TTC23: variants seen among roughly 807,000 people sequenced by gnomAD.
TTC23 encodes tetratricopeptide repeat domain 23.
In TTC23, 58 loss-of-function variants were observed where a neutral mutation model predicts 55.1. That is an observed-to-expected ratio of 1.05 (90% CI 0.85 to 1.31). TTC23 has a LOEUF of 1.31. Among genes scored for constraint, TTC23 ranks in the 50% most tolerant of loss-of-function variants. The pLI, the probability that TTC23 is intolerant of heterozygous loss-of-function variation, is 0.00. For missense variants in TTC23, 516 were observed against 534.4 expected, an observed-to-expected ratio of 0.97 and a Z score of 0.34; for synonymous variants, 203 against 199.9, an observed-to-expected ratio of 1.02 and a Z score of -0.13.
intron 10 of TTC23, among the ~76,000 whole-genome samples, chr15:99,173,337 TCCC>T (rs2073168675): frequency 3.9e-5 from 6 of 152,218 alleles, no homozygotes; most frequent in Admixed American, 2.6e-4. Flanking sequence ...ATGCCTGTTA[TCCC>T]AGAGTTTTGG....
intron 12 of TTC23, among the ~76,000 whole-genome samples, chr15:99,147,811 TGGC>T (rs1381705177): frequency 1.3e-5 from 2 of 152,162 alleles, no homozygotes; most frequent in Non-Finnish European, 2.9e-5. Flanking sequence ...GAAAACAATG[TGGC>T]GTGGCGTGGT....
At chr15:99,202,486 T>C (rs561132882) in intron 8 of TTC23, among the ~76,000 whole-genome samples, 3 of 152,126 alleles carry the variant, frequency 2.0e-5, no homozygotes, top group Non-Finnish European at 4.4e-5. Context: ...AGCTCATAAA[T>C]GAGCAAAAAA....
At chr15:99,197,910 A>G (rs2075880377) in intron 9 of TTC23, among the ~76,000 whole-genome samples, 1 of 152,112 alleles carries the variant, frequency 6.6e-6, no homozygotes, top group South Asian at 2.1e-4. Context: ...TCAAACAAAA[A>G]AAAAAAAGAA....
In TTC23 at chr15:99,221,179, AGAATG is replaced by A. The variant is rs373404033; in HGVS notation, c.304+557_304+561del. 2.2e-3 allele frequency among the ~76,000 whole-genome samples: 335 copies of A among 152,334 alleles called. 2 individuals are homozygous for A. Among genetic ancestry groups the A allele is most frequent in the African/African-American group, 7.7e-3 (319 of 41,586 alleles). On this transcript the variant is annotated intron_variant, in intron 6 of 13. Coordinates refer to ENST00000394132, the MANE Select transcript of TTC23 (RefSeq NM_001288615.3). ...CCACCATGTGGGCAAAACCTGGCAA[AGAATG>A]GAGCAAATACCAAGAAAAACAGAGC...
intron 12 of TTC23, chr15:99,141,170 C>G (rs1173562170): frequency 1.3e-5 from 2 of 151,850 alleles, no homozygotes; most frequent in African/African-American, 4.8e-5. Context: ...AACAATTTAG[C>G]AATATTTAGT....
At chr15:99,179,310 C>T (rs909006433) in intron 9 of TTC23, among the ~76,000 whole-genome samples, 1 of 152,208 alleles carries the variant, frequency 6.6e-6, no homozygotes, top group Non-Finnish European at 1.5e-5. Context: ...GGCCCTAGAT[C>T]TATTGCCTCC....
At chr15:99,200,658 C>T (rs1440925564) in intron 8 of TTC23, among the ~76,000 whole-genome samples, 1 of 152,190 alleles carries the variant, frequency 6.6e-6, no homozygotes, top group Non-Finnish European at 1.5e-5. Flanking sequence ...TATATCAAAT[C>T]ATACACATAT....
intron 10 of TTC23, among the ~76,000 whole-genome samples, chr15:99,166,661 G>A (rs573767131): frequency 2.2e-4 from 33 of 152,326 alleles, no homozygotes; most frequent in Non-Finnish European, 3.2e-4. Context: ...CCTTCTGGGG[G>A]CAGCCTCCTC....
In TTC23 at chr15:99,199,997, A is replaced by T. The variant is rs779272317; in HGVS notation, c.681T>A (p.Cys227Ter). ...EISKGETSRE[C>*]VPILRELAGV... Reference sequence around the variant, plus strand: ...CTGCTAATTCTCTCAATATGGGTACACACTCACGACTTGTTTCACCTTTAC... The same window carrying T: ...CTGCTAATTCTCTCAATATGGGTACTCACTCACGACTTGTTTCACCTTTAC... Residue 227 changes from cysteine (C) to a stop codon, truncating the protein, a stop_gained, in exon 9 of 14, where the codon TGT (cysteine) becomes TGA (stop). Transcript: ENST00000394132. LOFTEE classifies it high-confidence loss of function. 1.9e-6 allele frequency: 3 copies of T among 1,614,140 alleles called. No homozygotes were observed. In the African/African-American group the frequency reaches 4.0e-5, roughly 22 times the overall value.
intron 9 of TTC23, among the ~76,000 whole-genome samples, chr15:99,182,313 C>T (rs1466875549): frequency 6.6e-6 from 1 of 151,452 alleles, no homozygotes; most frequent in East Asian, 1.9e-4. Context: ...AGCCACGTGC[C>T]GCTCTTAGCT....
intron 3 of TTC23, among the ~76,000 whole-genome samples, chr15:99,238,446 G>A (rs2665085): frequency 0.02 from 3,087 of 152,234 alleles, 92 homozygotes; most frequent in African/African-American, 0.07. Flanking sequence ...AGAGTGGCAA[G>A]TGCTAAGACT....
intron 4 of TTC23, among the ~76,000 whole-genome samples, chr15:99,231,316 C>G (rs2078914042): frequency 6.6e-6 from 1 of 152,212 alleles, no homozygotes; most frequent in South Asian, 2.1e-4. Context: ...AAGCCTCAGG[C>G]AGGTCCTTCA....
chr15:99,233,511 A>G (rs923465175), intron 4 of TTC23, among the ~76,000 whole-genome samples: 6 of 152,236 alleles, frequency 3.9e-5, no homozygotes, highest in Non-Finnish European at 7.3e-5. Flanking sequence ...CACTCAACAT[A>G]GAAAAAGCAC....
intron 10 of TTC23, among the ~76,000 whole-genome samples, chr15:99,165,568 C>T (rs1027859082): frequency 6.6e-6 from 1 of 152,150 alleles, no homozygotes; most frequent in Non-Finnish European, 1.5e-5. Flanking sequence ...CTGGGGTCTG[C>T]AGTGAGGCAG....
intron 9 of TTC23, among the ~76,000 whole-genome samples, chr15:99,194,488 GCAATA>G (rs1441878265): frequency 7.5e-6 from 1 of 133,868 alleles, no homozygotes; most frequent in Non-Finnish European, 1.6e-5. Context: ...AGGAGCAAAG[GCAATA>G]CAATGAAGAA....
intron 9 of TTC23, among the ~76,000 whole-genome samples, chr15:99,185,519 C>T (rs760785441): frequency 7.2e-5 from 11 of 152,132 alleles, no homozygotes; most frequent in Non-Finnish European, 1.3e-4. Context: ...TTTGGGAACT[C>T]TTGAGTGGCA....
intron 2 of TTC23, among the ~76,000 whole-genome samples, chr15:99,242,763 A>C (rs1227244483): frequency 6.6e-6 from 1 of 152,190 alleles, no homozygotes; most frequent in Non-Finnish European, 1.5e-5. Flanking sequence ...TGCAGAAAAC[A>C]CATTTGGCAA....
upstream of TTC23, among the ~76,000 whole-genome samples, chr15:99,250,783 A>G (rs577709682): frequency 6.6e-6 from 1 of 152,246 alleles, no homozygotes; most frequent in Admixed American, 6.5e-5. Context: ...CTCAAAATAA[A>G]CCTTGGGTGT....
At chr15:99,188,086 C>T (rs1428743551) in intron 9 of TTC23, among the ~76,000 whole-genome samples, 1 of 151,966 alleles carries the variant, frequency 6.6e-6, no homozygotes, top group Non-Finnish European at 1.5e-5. Flanking sequence ...AAACTGGAAG[C>T]AACCCAAATG....
Sources: allele counts gnomAD v4.1 joint callset (sites outside exome capture counted in the v4.1 genomes callset), GRCh38; gene constraint gnomAD v4.1.1; transcripts MANE v1.5; gene names NCBI Gene and HGNC (gene_info 2026-07-23, HGNC 2026-07-21).